MAP7D3: variants seen among roughly 807,000 people sequenced by gnomAD.
The protein encoded by MAP7D3 is MAP7 domain containing 3.
In MAP7D3, 45 loss-of-function variants were observed where a neutral mutation model predicts 62.2. The observed-to-expected ratio is 0.72, with a 90% confidence interval of 0.57 to 0.93. MAP7D3 has a LOEUF of 0.93. Ranked by LOEUF, MAP7D3 falls within the 40% of genes least tolerant of loss-of-function variation. MAP7D3 has a pLI of 0.00. For missense variants in MAP7D3, 711 were observed against 683.1 expected, an observed-to-expected ratio of 1.04 and a Z score of -0.45; for synonymous variants, 288 against 248.8, an observed-to-expected ratio of 1.16 and a Z score of -1.48.
downstream of MAP7D3, among the ~76,000 whole-genome samples, chrX:136,216,067 G>A (rs1042737622): frequency 9.0e-6 from 1 of 111,130 alleles, no homozygotes; most frequent in African/African-American, 3.3e-5. Flanking sequence ...ATTAAAAAAA[G>A]CAAGATCAGC....
chrX:136,245,597 A>G (rs1030681718), intron 3 of MAP7D3, among the ~76,000 whole-genome samples: 10 of 110,640 alleles, frequency 9.0e-5, no homozygotes, highest in Admixed American at 2.9e-4. Context: ...AATACAAAAA[A>G]TTAGCCGGGT....
intron 1 of MAP7D3, among the ~76,000 whole-genome samples, chrX:136,250,551 T>C (rs904766748): frequency 5.4e-5 from 6 of 111,653 alleles, no homozygotes; most frequent in Non-Finnish European, 1.1e-4. Flanking sequence ...CTGCAAGATG[T>C]CCCACAGAAG....
Position 136,234,034 on chromosome X carries a change from A to T in MAP7D3, c.737-1814T>A, listed in dbSNP as rs750330919. 6.3e-5 allele frequency among the ~76,000 whole-genome samples: 7 copies of T among 111,464 alleles called. No homozygotes were observed. In the South Asian group the frequency reaches 2.6e-3, roughly 42 times the overall value. ...ACCTGACATACACATAATTGGGCAT[A>T]AAAAAGTCAGGAATTAGAACAAAAG... On this transcript the variant is annotated intron_variant, in intron 7 of 18. Coordinates refer to ENST00000316077, the MANE Select transcript of MAP7D3 (RefSeq NM_024597.4).
intron 4 of MAP7D3, among the ~76,000 whole-genome samples, chrX:136,242,957 C>T (rs1275783970): frequency 1.8e-5 from 2 of 111,667 alleles, no homozygotes; most frequent in African/African-American, 6.5e-5. Context: ...GAGCATGAAA[C>T]AGAGCATAAA....
At chrX:136,252,676 C>CAAAAA (rs770751343), upstream of MAP7D3, among the ~76,000 whole-genome samples, 286 of 35,451 alleles carry the variant, frequency 8.1e-3, no homozygotes, top group African/African-American at 9.6e-3. Context: ...GACTCTGTCT[C>CAAAAA]AAAAAAAAAA....
rs547663838 is a variant in MAP7D3 at position 136,228,510 on chromosome X, G to T, written c.1886+113C>A. ...CAATGAGGCACTTCTGATCCTCACT[G>T]AAGAAAGTCAATTGTTCTTTGAGAA... On this transcript the variant is annotated intron_variant, in intron 11 of 18. Coordinates refer to ENST00000316077, the MANE Select transcript of MAP7D3 (RefSeq NM_024597.4). The T allele has an allele frequency of 4.9e-5, 39 of 791,999 alleles. No individual in the cohort carries two copies. The South Asian group carries it at 9.7e-4, about 20-fold the overall frequency. The allele number at this position is 791,999 out of a possible 1,213,427, so 65.3% of individuals were successfully genotyped here.
chrX:136,221,402 T>C, intron 15 of MAP7D3, among the ~76,000 whole-genome samples: 1 of 111,970 alleles, frequency 8.9e-6, no homozygotes, highest in Non-Finnish European at 1.9e-5. Flanking sequence ...CTCCACTCAC[T>C]GCAAGCTCCA....
chrX:136,233,862 C>A (rs2074300904), intron 7 of MAP7D3, among the ~76,000 whole-genome samples: 1 of 111,093 alleles, frequency 9.0e-6, no homozygotes, highest in African/African-American at 3.3e-5. Context: ...AGTCACATTA[C>A]ACCAACAGTT....
At position 136,219,145 on chromosome X, in the gene MAP7D3, C is replaced by T. The variant is rs79799446; in HGVS notation, c.*32+253G>A. Reference sequence around the variant, plus strand: ...GGATTACAGGCGTAAGCCACTGCACCTGGCCAGAACTTATTTTTTATATCC... The same window carrying T: ...GGATTACAGGCGTAAGCCACTGCACTTGGCCAGAACTTATTTTTTATATCC... On this transcript the variant is annotated intron_variant, in intron 18 of 18. Coordinates refer to ENST00000316077, the MANE Select transcript of MAP7D3 (RefSeq NM_024597.4). Among the ~76,000 whole-genome samples, 627 of 112,666 alleles carry T rather than the reference C, an allele frequency of 5.6e-3. 4 individuals carry two copies. Among genetic ancestry groups the T allele is most frequent in the African/African-American group, 0.019 (600 of 31,082 alleles).
rs1177536720 is a variant in MAP7D3, at chrX:136,244,626, AT to A, written c.417+5del. 1 of 1,204,599 alleles carries A rather than the reference AT, an allele frequency of 8.3e-7. No individual in the cohort carries two copies. The highest frequency in any genetic ancestry group is 2.2e-5 in the Admixed American group (1 of 45,169). On this transcript the variant is annotated splice_donor_5th_base_variant and intron_variant, in intron 4 of 18. Transcript: ENST00000316077. The stretch of plus-strand genomic sequence containing the variant: ...CCTCTCATGCACAGGCTGCAAAATT[AT>A]GTACCTTTTGTGCTTCATCCTTCTG...
chrX:136,256,456 A>G (rs1471091255), exon 1 of MAP7D3: 1 of 628,859 alleles, frequency 1.6e-6, no homozygotes, highest in South Asian at 3.0e-5. Flanking sequence ...TCTAATTTCA[A>G]CAGGCTGCTC....
intron 1 of MAP7D3, among the ~76,000 whole-genome samples, chrX:136,247,540 T>C (rs1056274651): frequency 2.7e-5 from 3 of 110,551 alleles, no homozygotes; most frequent in Non-Finnish European, 5.7e-5. Context: ...GGAGTTATTT[T>C]ACAGCATAAT....
Position 136,227,285 on chromosome X carries a change from T to C in MAP7D3, c.2033A>G (p.Gln678Arg). ...TGATAAAGTGTCAAGTCAGCAAACCTGCAGTGGTGCTTCCTGGTCTTCCTG... is the reference window on the plus strand; with the variant it reads ...TGATAAAGTGTCAAGTCAGCAAACCCGCAGTGGTGCTTCCTGGTCTTCCTG... ...LDQEDQEAPL[Q>R]KGDAKIKAQE... The change falls in exon 12 of 19, where the codon CAG becomes CGG. Residue 678 changes from glutamine to arginine, a missense_variant and splice_region_variant. Gln to Arg is a conservative substitution (Grantham distance 43). Coordinates refer to ENST00000316077, the MANE Select transcript of MAP7D3 (RefSeq NM_024597.4). The C allele has an allele frequency of 1.7e-6, 2 of 1,208,995 alleles. No individual in the cohort carries two copies. The highest frequency in any genetic ancestry group is 3.5e-5 in the South Asian group (2 of 56,760).
chrX:136,244,284 T>C (rs901939249), intron 4 of MAP7D3, among the ~76,000 whole-genome samples: 14 of 111,356 alleles, frequency 1.3e-4, no homozygotes, highest in African/African-American at 4.3e-4. Context: ...CCCTATTCTG[T>C]AGGCAATGAG....
chrX:136,217,214 T>A lies in MAP7D3; in HGVS notation c.*1312A>T, dbSNP rs139251991. 79 of 112,407 alleles carry A rather than the reference T, an allele frequency of 7.0e-4. No individual in the cohort carries two copies. In the East Asian group the frequency reaches 0.017, roughly 24 times the overall value. The allele number at this position is 112,407 out of a possible 1,213,427, so 9.3% of individuals were successfully genotyped here. A position where few individuals can be genotyped will look rare whatever the true frequency, so the allele number is the denominator to read the frequency against. ...ATACATACGTGTATGTACATCTGTG[T>A]GCATTTCTGTGTGCCCATCACACGA... On this transcript the variant is annotated 3_prime_UTR_variant, in exon 19 of 19. Transcript: ENST00000316077.
intron 8 of MAP7D3, among the ~76,000 whole-genome samples, 190 bp downstream of exon 8, chrX:136,231,354 A>G (rs1464732916): frequency 1.8e-5 from 2 of 112,080 alleles, no homozygotes; most frequent in Admixed American, 1.9e-4. Flanking sequence ...CTTTGGAGGA[A>G]AAGTGGTACA....
chrX:136,222,422 T>G lies in MAP7D3; in HGVS notation c.2258A>C (p.Lys753Thr), dbSNP rs745697256. The change falls in exon 15 of 19, where the codon AAG (lysine) becomes ACG (threonine). Residue 753 changes from lysine to threonine, a missense_variant. Transcript: ENST00000316077. ...TGGAAACATTTCATTCAATGAGTCC[T>G]TGTCGCTTTCTTCGTTGTCAGCCTC... ...EAEADNEESD[K>T]DSLNEMFPSA... 1 of 1,209,771 alleles carries G rather than the reference T, an allele frequency of 8.3e-7. No individual in the cohort carries two copies. Among genetic ancestry groups the G allele is most frequent in the Admixed American group, 2.2e-5 (1 of 46,019 alleles).
intron 14 of MAP7D3, among the ~76,000 whole-genome samples, chrX:136,223,936 C>T (rs1269609760): frequency 9.3e-6 from 1 of 107,201 alleles, no homozygotes; most frequent in African/African-American, 3.4e-5. Context: ...CCTGTAGTCT[C>T]AGCTACTTGG....
At position 136,219,640 on chromosome X, in the gene MAP7D3, T is replaced by C. The variant is rs753019294; in HGVS notation, c.2518A>G (p.Thr840Ala). 4.8e-5 allele frequency: 58 copies of C among 1,206,202 alleles called. 1 individual carries two copies. Among genetic ancestry groups the C allele is most frequent in the Non-Finnish European group, 5.9e-5 (53 of 891,380 alleles). The change falls in exon 17 of 19, where the codon ACG (threonine) becomes GCG (alanine). Residue 840 changes from threonine to alanine, a missense_variant. Transcript: ENST00000316077. ...PSSKRMTSHTTKTRKADETNT... is the reference protein window; with the variant it reads ...PSSKRMTSHTAKTRKADETNT... Reference sequence around the variant, plus strand: ...GTTTCATCCGCCTTTCTGGTTTTCGTTGTGTGACTGGTCATTCTTTTGGAA... The same window carrying C: ...GTTTCATCCGCCTTTCTGGTTTTCGCTGTGTGACTGGTCATTCTTTTGGAA...
Sources: allele counts gnomAD v4.1 joint callset (sites outside exome capture counted in the v4.1 genomes callset), GRCh38; gene constraint gnomAD v4.1.1; transcripts MANE v1.5; gene names NCBI Gene and HGNC (gene_info 2026-07-23, HGNC 2026-07-21).